The following MKX variants were observed in gnomAD, a reference collection of about 807,000 sequenced individuals.
MKX encodes the protein homeobox protein Mohawk.
A neutral mutation model predicts 36.0 loss-of-function variants in MKX; 13 were observed. The ratio of observed to expected loss-of-function variants is 0.36; its 90% confidence interval spans 0.24 to 0.57. The LOEUF (loss-of-function observed/expected upper bound fraction) is 0.57. MKX is among the 20% of genes least tolerant of loss of function. The pLI, the probability that MKX is intolerant of heterozygous loss-of-function variation, is 0.79. For missense variants in MKX, 458 were observed against 456.4 expected (o/e 1.00, Z -0.03); for synonymous variants, 176 against 178.3 (o/e 0.99, Z 0.10).
At chr10:27,703,866 C>T (rs1424790239) in intron 5 of MKX, among the ~76,000 whole-genome samples, 1 of 152,084 alleles carries the variant, frequency 6.6e-6, no homozygotes, top group Non-Finnish European at 1.5e-5. Flanking sequence ...TACCATTGCC[C>T]TCCAGCCTGG....
At chr10:27,713,708 AAT>A (rs1836912595) in intron 5 of MKX, among the ~76,000 whole-genome samples, 1 of 152,168 alleles carries the variant, frequency 6.6e-6, no homozygotes, top group South Asian at 2.1e-4. Context: ...AGTGCAACAC[AAT>A]ATACGGTATT....
chr10:27,683,191 G>A (rs1011252573), intron 5 of MKX, among the ~76,000 whole-genome samples: 1 of 152,194 alleles, frequency 6.6e-6, no homozygotes, highest in Non-Finnish European at 1.5e-5. Flanking sequence ...GACCACTACC[G>A]GTCCGTGGCC....
At chr10:27,706,066 A>AT (rs951541694) in intron 5 of MKX, among the ~76,000 whole-genome samples, 1 of 151,418 alleles carries the variant, frequency 6.6e-6, no homozygotes, top group African/African-American at 2.4e-5. Flanking sequence ...AGTGACCACC[A>AT]TTTTTTTTCT....
At chr10:27,687,091 C>T (rs1836370695) in intron 5 of MKX, among the ~76,000 whole-genome samples, 1 of 151,864 alleles carries the variant, frequency 6.6e-6, no homozygotes, top group South Asian at 2.1e-4. Context: ...ACTGCAACCT[C>T]CGCCTCCTGG....
In MKX at chr10:27,744,457, C is replaced by T. The variant is rs955485899; in HGVS notation, c.-82-960G>A. Reference sequence around the variant, plus strand: ...TGCCACTGTCGGGGAGAGCCAGCAGCTCACCTCTGGGGTCGCGGAGGCCCT... The same window carrying T: ...TGCCACTGTCGGGGAGAGCCAGCAGTTCACCTCTGGGGTCGCGGAGGCCCT... On this transcript the variant is annotated intron_variant, in intron 1 of 6. Transcript: ENST00000419761. The surrounding 1 kb of genome is among the most constrained non-coding windows in gnomAD (Gnocchi z 5.6). 6.6e-6 allele frequency among the ~76,000 whole-genome samples: 1 copy of T among 152,116 alleles called. No homozygotes were observed. Among genetic ancestry groups the T allele is most frequent in the Non-Finnish European group, 1.5e-5 (1 of 68,016 alleles).
rs1213163464 is a variant in MKX at position 27,675,055 on chromosome 10, G to A, written c.*174C>T. 1.9e-6 allele frequency: 1 copy of A among 526,828 alleles called. No individual in the cohort carries two copies. Among genetic ancestry groups the A allele is most frequent in the Admixed American group, 3.7e-5 (1 of 27,070 alleles). 32.6% of individuals were successfully genotyped at this position (526,828 alleles called of 1,614,324 possible). ...AAGTTAATATTTTTGATTAAAATGA[G>A]TTTTTTATAATTTATATGTCTTTTA... On this transcript the variant is annotated 3_prime_UTR_variant, in exon 7 of 7. Coordinates refer to ENST00000419761, the MANE Select transcript of MKX (RefSeq NM_173576.3).
At chr10:27,680,182 C>T (rs958904759) in intron 5 of MKX, among the ~76,000 whole-genome samples, 1 of 152,094 alleles carries the variant, frequency 6.6e-6, no homozygotes, top group African/African-American at 2.4e-5. Flanking sequence ...TTTGGCTCGG[C>T]TATATCTCTT....
At chr10:27,733,127 G>A (rs1834669775) in intron 5 of MKX, among the ~76,000 whole-genome samples, 1 of 152,078 alleles carries the variant, frequency 6.6e-6, no homozygotes, top group African/African-American at 2.4e-5. Context: ...GACAATTTCT[G>A]TAATTTTGAG....
At chr10:27,677,840 G>A (rs1355549375) in intron 5 of MKX, among the ~76,000 whole-genome samples, 1 of 152,190 alleles carries the variant, frequency 6.6e-6, no homozygotes, top group African/African-American at 2.4e-5. Context: ...AAGGTTTTAG[G>A]GATCCTTTGG....
At chr10:27,731,626 C>T (rs1711991860) in intron 5 of MKX, among the ~76,000 whole-genome samples, 1 of 150,474 alleles carries the variant, frequency 6.6e-6, no homozygotes, top group Admixed American at 6.7e-5. Context: ...GTTTACATGT[C>T]TAGGTTGCTT....
intron 5 of MKX, among the ~76,000 whole-genome samples, chr10:27,692,264 G>T (rs540669212): frequency 3.7e-4 from 56 of 152,180 alleles, no homozygotes; most frequent in Admixed American, 2.1e-3. Flanking sequence ...AATTCTTTTT[G>T]TCAGGTGAGG....
At chr10:27,708,253 C>A (rs1238819948) in intron 5 of MKX, among the ~76,000 whole-genome samples, 2 of 152,174 alleles carry the variant, frequency 1.3e-5, no homozygotes, top group African/African-American at 2.4e-5. Flanking sequence ...AAGTATCTCA[C>A]CCCTTGTAAA....
In MKX at chr10:27,734,770, G is replaced by A; in HGVS notation, c.524C>T (p.Thr175Ile). Residue 175 changes from threonine (T) to isoleucine (I), a missense_variant, in exon 5 of 7, where the codon ACC (threonine) becomes ATC (isoleucine). Thr to Ile is a moderately conservative substitution (Grantham distance 89, BLOSUM62 -1). Around this residue, in one of 3 missense-constraint regions of MKX, gnomAD observed 297 missense variants for 304.4 expected, o/e 0.98. Transcript: ENST00000419761. The stretch of plus-strand genomic sequence containing the variant: ...ATTATAGCCCCCTTCGTTCATGTGG[G>A]TTCTTGGAGGATTTTCTCCATCTAA... ...CSEDGENPPR[T>I]HMNEGGYNTP... 6.2e-7 allele frequency: 1 copy of A among 1,611,398 alleles called. No homozygotes were observed. Among genetic ancestry groups the A allele is most frequent in the Non-Finnish European group, 8.5e-7 (1 of 1,178,302 alleles).
chr10:27,682,405 G>A (rs555699505), intron 5 of MKX, among the ~76,000 whole-genome samples: 18 of 152,280 alleles, frequency 1.2e-4, no homozygotes, highest in African/African-American at 4.1e-4. Context: ...TGTTTATAAA[G>A]TCTACAGTAA....
intron 5 of MKX, among the ~76,000 whole-genome samples, chr10:27,677,307 C>T (rs1406498402): frequency 6.6e-6 from 1 of 152,156 alleles, no homozygotes; most frequent in Non-Finnish European, 1.5e-5. Context: ...TTTTACGCCC[C>T]CTGCCCCTGC....
chr10:27,680,919 C>A (rs949960928), intron 5 of MKX, among the ~76,000 whole-genome samples: 1 of 152,074 alleles, frequency 6.6e-6, no homozygotes, highest in East Asian at 1.9e-4. Flanking sequence ...AGGGGGAAAA[C>A]AAAGACAGAC....
At chr10:27,692,143 A>G (rs528586718) in intron 5 of MKX, among the ~76,000 whole-genome samples, 17 of 152,252 alleles carry the variant, frequency 1.1e-4, no homozygotes, top group Non-Finnish European at 2.9e-5. Flanking sequence ...AAATATGAAT[A>G]GCAGATATAA....
At position 27,686,343 on chromosome 10, in the gene MKX, GGAAA is replaced by G. The variant is rs768056168; in HGVS notation, c.839-10793_839-10790del. Among the ~76,000 whole-genome samples the G allele has an allele frequency of 5.3e-3, 716 of 134,926 alleles. 1 individual carries two copies. Among genetic ancestry groups the G allele is most frequent in the Middle Eastern group, 0.032 (7 of 220 alleles). The allele number at this position is 134,926 out of a possible 152,430, so 88.5% of individuals were successfully genotyped here. ...CGAAATTATTTCAGAATTTGAAGAA[GGAAA>G]GAAAGAAAGAAGGAAAGAAAGAAAG... On this transcript the variant is annotated intron_variant, in intron 5 of 6. Coordinates refer to ENST00000419761, the MANE Select transcript of MKX (RefSeq NM_173576.3).
At position 27,673,118 on chromosome 10, in the gene MKX, C is replaced by G. The variant is rs1369940500; in HGVS notation, c.*2111G>C. On this transcript the variant is annotated 3_prime_UTR_variant, in exon 7 of 7. Transcript: ENST00000419761. ...CAAAAGAAAAAATAAATTAAAAAGT[C>G]ATTGCAATTGGAGATATTACCAAGG... is the stretch of plus-strand genomic sequence containing the variant. 6.6e-6 allele frequency: 1 copy of G among 152,050 alleles called. No individual in the cohort carries two copies. The highest frequency in any genetic ancestry group is 1.5e-5 in the Non-Finnish European group (1 of 68,002). 9.4% of individuals were successfully genotyped at this position (152,050 alleles called of 1,614,324 possible).
Sources: gnomAD v4.1 joint callset for allele counts (sites outside exome capture counted in the v4.1 genomes callset) on GRCh38, gnomAD v4.1.1 for gene constraint, gnomAD v4.1.1 regional missense constraint, Gnocchi (gnomAD v3.1) non-coding constraint, MANE v1.5 for transcripts, NCBI Gene and HGNC (gene_info 2026-07-23, HGNC 2026-07-21) for gene names.